The following ADRA1D variants were observed in gnomAD, a reference collection of about 807,000 sequenced individuals.
The protein encoded by ADRA1D is adrenoceptor alpha 1D.
In ADRA1D, 22 loss-of-function variants were observed where a neutral mutation model predicts 18.6. The observed-to-expected ratio is 1.19, with a 90% CI of 0.85 to 1.69. ADRA1D has a LOEUF of 1.69. Ranked by LOEUF, ADRA1D falls within the 40% of genes most tolerant of loss-of-function variation. The pLI, the probability that ADRA1D is intolerant of heterozygous loss-of-function variation, is 0.00. For missense variants in ADRA1D, 840 were observed against 840.7 expected (o/e 1.00, Z 0.01); for synonymous variants, 376 against 388.2 (o/e 0.97, Z 0.37).
Position 4,222,018 on chromosome 20 carries a change from C to A in ADRA1D, c.1224G>T (p.Glu408Asp). 1.2e-6 allele frequency: 2 copies of A among 1,604,494 alleles called. No individual in the cohort carries two copies. The highest frequency in any genetic ancestry group is 1.7e-6 in the Non-Finnish European group (2 of 1,175,308). ...NPLIYPCSSR[E>D]FKRAFLRLLR... ...GGAGACGGAGGAAGGCGCGCTTGAA[C>A]TCGCGGCTGGAACAGGGGTAGATGA... Residue 408 changes from glutamate to aspartate, a missense_variant, in exon 2 of 2, where the codon GAG (glutamate) becomes GAT (aspartate). Coordinates refer to ENST00000379453, the MANE Select transcript of ADRA1D (RefSeq NM_000678.4). This position sits in a 1 kb window ranked among gnomAD's most constrained non-coding sequence, Gnocchi z 4.3.
At position 4,231,267 on chromosome 20, in the gene ADRA1D, GTTATTA is replaced by G. The variant is rs58687402; in HGVS notation, c.1112-9143_1112-9138del. 3.2e-4 allele frequency among the ~76,000 whole-genome samples: 44 copies of G among 138,914 alleles called. 1 individual carries two copies. The highest frequency in any genetic ancestry group is 7.9e-4 in the African/African-American group (29 of 36,872). The allele number at this position is 138,914 out of a possible 152,430, so 91.1% of individuals were successfully genotyped here. ...CATGTGCCACTACACCTGGCTAATT[GTTATTA>G]TTATTATTATTATTATTATTATTTT... is the stretch of plus-strand genomic sequence containing the variant. On this transcript the variant is annotated intron_variant, in intron 1 of 1. Coordinates refer to ENST00000379453, the MANE Select transcript of ADRA1D (RefSeq NM_000678.4).
intron 1 of ADRA1D, among the ~76,000 whole-genome samples, chr20:4,235,693 G>A (rs935311389): frequency 3.9e-5 from 6 of 152,236 alleles, no homozygotes; most frequent in Non-Finnish European, 7.3e-5. Context: ...CATGCTGTCC[G>A]GGAGTCCCAG....
At chr20:4,229,378 A>G (rs1170534406) in intron 1 of ADRA1D, among the ~76,000 whole-genome samples, 5 of 151,556 alleles carry the variant, frequency 3.3e-5, no homozygotes, top group East Asian at 2.0e-4. Flanking sequence ...AAAGGTATCA[A>G]AGAGTAAAGG....
rs760506161 is a variant in ADRA1D at position 4,248,567 on chromosome 20, T to C, written c.391A>G (p.Thr131Ala). Reference protein sequence around the residue: ...VACNRHLQTVTNYFIVNLAVA... With the variant: ...VACNRHLQTVANYFIVNLAVA... Reference sequence around the variant, plus strand: ...GCCAGGTTCACGATGAAATAGTTGGTGACGGTCTGCAGGTGGCGGTTGCAG... The same window carrying C: ...GCCAGGTTCACGATGAAATAGTTGGCGACGGTCTGCAGGTGGCGGTTGCAG... The change falls in exon 1 of 2, where the codon ACC becomes GCC. Residue 131 changes from threonine (T) to alanine (A), a missense_variant. Coordinates refer to ENST00000379453, the MANE Select transcript of ADRA1D (RefSeq NM_000678.4). 6 of 1,613,724 alleles carry C rather than the reference T, an allele frequency of 3.7e-6. No homozygotes were observed. The highest frequency in any genetic ancestry group is 2.7e-5 in the African/African-American group (2 of 74,930).
At chr20:4,243,016 C>T (rs1981253593) in intron 1 of ADRA1D, among the ~76,000 whole-genome samples, 1 of 152,016 alleles carries the variant, frequency 6.6e-6, no homozygotes, top group Admixed American at 6.5e-5. Flanking sequence ...CTGGAGGCTC[C>T]CGGGAGAGGA....
At position 4,221,582 on chromosome 20, in the gene ADRA1D, C is replaced by T. The variant is rs1195126550; in HGVS notation, c.1660G>A (p.Ala554Thr). The stretch of plus-strand genomic sequence containing the variant: ...GCCAATTCGTAGGCCTGGCAGGTGG[C>T]GCCCTCGGCCACCTCGTGTGGGACG... ...LGVPHEVAEG[A>T]TCQAYELADY... The change falls in exon 2 of 2, where the codon GCC becomes ACC. Residue 554 changes from alanine (A) to threonine (T), a missense_variant. By Grantham distance (58) the Ala-to-Thr change is moderately conservative. Coordinates refer to ENST00000379453, the MANE Select transcript of ADRA1D (RefSeq NM_000678.4). The T allele has an allele frequency of 1.9e-6, 3 of 1,612,670 alleles. No homozygotes were observed. The highest frequency in any genetic ancestry group is 1.1e-5 in the South Asian group (1 of 91,032).
intron 1 of ADRA1D, among the ~76,000 whole-genome samples, chr20:4,240,864 G>C (rs1981195672): frequency 6.6e-6 from 1 of 152,076 alleles, no homozygotes; most frequent in African/African-American, 2.4e-5. Flanking sequence ...AAGAATCTAG[G>C]TTAGCTTTGG....
chr20:4,234,220 A>T (rs1327593476), intron 1 of ADRA1D, among the ~76,000 whole-genome samples: 1 of 152,220 alleles, frequency 6.6e-6, no homozygotes, highest in Non-Finnish European at 1.5e-5. Flanking sequence ...AGCTGCTGGG[A>T]CGCTGCTAAG....
chr20:4,224,902 G>A (rs1028001462), intron 1 of ADRA1D, among the ~76,000 whole-genome samples: 4 of 151,692 alleles, frequency 2.6e-5, no homozygotes, highest in African/African-American at 7.3e-5. Context: ...AAGAGACACC[G>A]CAGGGGAAGA....
At chr20:4,242,138 G>C (rs1164172374) in intron 1 of ADRA1D, among the ~76,000 whole-genome samples, 1 of 151,890 alleles carries the variant, frequency 6.6e-6, no homozygotes, top group Non-Finnish European at 1.5e-5. Context: ...CCCTGTTTTT[G>C]AACTTCATCT....
intron 1 of ADRA1D, among the ~76,000 whole-genome samples, chr20:4,223,207 A>G (rs773790513): frequency 5.9e-5 from 9 of 151,944 alleles, no homozygotes. Context: ...TGGTCCTAGA[A>G]CAATTGAACT....
At chr20:4,233,849 C>G (rs1045886264) in intron 1 of ADRA1D, among the ~76,000 whole-genome samples, 1 of 152,104 alleles carries the variant, frequency 6.6e-6, no homozygotes, top group South Asian at 2.1e-4. Context: ...CCAGTAAGGA[C>G]GCAGGGAGGA....
Position 4,221,447 on chromosome 20 carries a change from C to T in ADRA1D, c.*76G>A. 1.3e-6 allele frequency: 2 copies of T among 1,487,634 alleles called. No individual in the cohort carries two copies. Among genetic ancestry groups the T allele is most frequent in the Non-Finnish European group, 1.8e-6 (2 of 1,101,788 alleles). The allele number at this position is 1,487,634 out of a possible 1,614,324, so 92.2% of individuals were successfully genotyped here. A position where few individuals can be genotyped will look rare whatever the true frequency, so the allele number is the denominator to read the frequency against. ...CGGGTCTCCGATTTGCACGGGGGCT[C>T]TTAGAACACCAGCCCGCCTCTCTGG... On this transcript the variant is annotated 3_prime_UTR_variant, in exon 2 of 2. Coordinates refer to ENST00000379453, the MANE Select transcript of ADRA1D (RefSeq NM_000678.4).
In ADRA1D at chr20:4,221,947, CG is replaced by C. The variant is rs926764486; in HGVS notation, c.1294del (p.Arg432ValfsTer113). The C allele has an allele frequency of 1.3e-6, 2 of 1,543,772 alleles. No individual in the cohort carries two copies. Among genetic ancestry groups the C allele is most frequent in the African/African-American group, 2.8e-5 (2 of 72,478 alleles). The stretch of plus-strand genomic sequence containing the variant: ...GGCCCGCCAGTGGTGGCCGTAGACA[CG>C]CCAGAGAGGGCGGCGGCGCCGGCGA... ...RRRRRRRPLWRVYGHHWRAST... is the reference protein window; with the variant it reads ...RRRRRRRPLWXVYGHHWRAST... On this transcript the variant is annotated frameshift_variant, in exon 2 of 2. Coordinates refer to ENST00000379453, the MANE Select transcript of ADRA1D (RefSeq NM_000678.4). LOFTEE classifies it low-confidence loss of function (END_TRUNC).
chr20:4,242,849 G>T (rs1357370991), intron 1 of ADRA1D, among the ~76,000 whole-genome samples: 2 of 151,622 alleles, frequency 1.3e-5, no homozygotes, highest in Non-Finnish European at 2.9e-5. Context: ...AGTGACAGGG[G>T]TGGGGCTGTT....
At chr20:4,240,734 C>T (rs1033606597) in intron 1 of ADRA1D, among the ~76,000 whole-genome samples, 1 of 152,108 alleles carries the variant, frequency 6.6e-6, no homozygotes, top group African/African-American at 2.4e-5. Context: ...GTGGAGGTTG[C>T]GGTAAGCTGA....
rs146783287 is a variant in ADRA1D at position 4,248,154 on chromosome 20, C to T, written c.804G>A (p.Ala268=). The T allele has an allele frequency of 2.0e-5, 32 of 1,579,250 alleles. No individual in the cohort carries two copies. The African/African-American group carries it at 3.8e-4, about 19-fold the overall frequency. Residue 268 remains alanine, a synonymous_variant, in exon 1 of 2, where the codon GCG becomes GCA. Coordinates refer to ENST00000379453, the MANE Select transcript of ADRA1D (RefSeq NM_000678.4). The part of the protein sequence containing the change: ...SSVCSFYLPM[A]VIVVMYCRVY... Reference sequence around the variant, plus strand: ...CGCGGCAGTACATGACCACGATGACCGCCATGGGCAGGTAGAAGGAGCACA... The same window carrying T: ...CGCGGCAGTACATGACCACGATGACTGCCATGGGCAGGTAGAAGGAGCACA...
intron 1 of ADRA1D, among the ~76,000 whole-genome samples, chr20:4,246,021 C>T (rs1568769419): frequency 6.6e-6 from 1 of 152,122 alleles, no homozygotes. Context: ...TTACCATCAC[C>T]CCATCTCTAT....
In ADRA1D at chr20:4,221,566, T is replaced by C. The variant is rs765853253; in HGVS notation, c.1676A>G (p.Tyr559Cys). The C allele has an allele frequency of 4.2e-5, 68 of 1,612,392 alleles. No individual in the cohort carries two copies. The highest frequency in any genetic ancestry group is 5.7e-5 in the Non-Finnish European group (67 of 1,178,932). ...TAGGTTGCTGTAGTCGGCCAATTCG[T>C]AGGCCTGGCAGGTGGCGCCCTCGGC... is the stretch of plus-strand genomic sequence containing the variant. Reference protein sequence around the residue: ...EVAEGATCQAYELADYSNLRE... With the variant: ...EVAEGATCQACELADYSNLRE... The change falls in exon 2 of 2, where the codon TAC becomes TGC. Residue 559 changes from tyrosine to cysteine, a missense_variant. Tyr to Cys is a radical substitution (Grantham distance 194). Coordinates refer to ENST00000379453, the MANE Select transcript of ADRA1D (RefSeq NM_000678.4).
Sources: allele counts gnomAD v4.1 joint callset (sites outside exome capture counted in the v4.1 genomes callset), GRCh38; gene constraint gnomAD v4.1.1; non-coding constraint Gnocchi (gnomAD v3.1); transcripts MANE v1.5; gene names NCBI Gene and HGNC (gene_info 2026-07-23, HGNC 2026-07-21).